PHF21A: variants seen among roughly 807,000 people sequenced by gnomAD.
The protein encoded by PHF21A is BHC80a.
PHF21A carries 11 observed loss-of-function variants against 82.5 expected under a neutral mutation model. That is an observed-to-expected ratio of 0.13 (90% CI 0.08 to 0.22). The LOEUF is 0.22. Among genes scored for constraint, PHF21A ranks in the 10% least tolerant of loss-of-function variants. PHF21A has a pLI of 1.00. For synonymous variants in PHF21A, 297 were observed against 302.8 expected (o/e 0.98, Z 0.20); for missense variants, 579 against 837.8 (o/e 0.69, Z 3.81).
rs1452859819 is a variant in PHF21A at position 45,971,905 on chromosome 11, T to TTTA, written c.361-539_361-538insTAA. Among the ~76,000 whole-genome samples the TTTA allele has an allele frequency of 2.2e-5, 2 of 89,952 alleles. 1 individual carries two copies. Among genetic ancestry groups the TTTA allele is most frequent in the East Asian group, 1.5e-3 (2 of 1,338 alleles). The allele number at this position is 89,952 out of a possible 152,430, so 59.0% of individuals were successfully genotyped here. A position where few individuals can be genotyped will look rare whatever the true frequency, so the allele number is the denominator to read the frequency against. Reference sequence around the variant, plus strand: ...CTTTTTCTTTCTTTTTTTTTTTTTTTATGGTGTCACCCTGGAGAGAAGGAA... The same window carrying TTTA: ...CTTTTTCTTTCTTTTTTTTTTTTTTTTTAATGGTGTCACCCTGGAGAGAAGGAA... On this transcript the variant is annotated intron_variant, in intron 7 of 18. Transcript: ENST00000676320.
At position 46,080,556 on chromosome 11, in the gene PHF21A, C is replaced by G. The variant is rs2096778644; in HGVS notation, c.55-1390G>C. ...TAAACTATAAACAATAGGTTCCTTA[C>G]AAAAAAGGTCCCAAACTACTATGTG... On this transcript the variant is annotated intron_variant, in intron 4 of 18. Coordinates refer to ENST00000676320, the MANE Select transcript of PHF21A (RefSeq NM_001352027.3). Among the ~76,000 whole-genome samples the G allele has an allele frequency of 2.0e-5, 3 of 152,152 alleles. No homozygotes were observed. In the South Asian group the frequency reaches 6.2e-4, roughly 31 times the overall value.
intron 6 of PHF21A, among the ~76,000 whole-genome samples, chr11:46,064,184 A>C (rs1259337206): frequency 6.6e-6 from 1 of 152,196 alleles, no homozygotes; most frequent in Non-Finnish European, 1.5e-5. Context: ...ATGAGTAATA[A>C]TCATTCACTG....
At chr11:46,091,709 T>C (rs921175257) in intron 2 of PHF21A, among the ~76,000 whole-genome samples, 6 of 152,304 alleles carry the variant, frequency 3.9e-5, no homozygotes, top group Non-Finnish European at 7.4e-5. Context: ...CAAAACACTA[T>C]AGGAATCTTA....
At chr11:45,936,594 C>T (rs1199319675) in intron 16 of PHF21A, 25 bp from the exon 17 acceptor site, 1 of 1,530,364 alleles carries the variant, frequency 6.5e-7, no homozygotes, top group East Asian at 2.2e-5. Flanking sequence ...AGAATTTTAC[C>T]TTGAGAAGGA....
At chr11:45,990,893 C>T (rs1345431362) in intron 6 of PHF21A, among the ~76,000 whole-genome samples, 1 of 152,250 alleles carries the variant, frequency 6.6e-6, no homozygotes, top group South Asian at 2.1e-4. Context: ...TCAATACTGT[C>T]GAAGTCCACA....
intron 6 of PHF21A, among the ~76,000 whole-genome samples, chr11:46,004,860 C>A (rs1194399292): frequency 6.6e-6 from 1 of 152,172 alleles, no homozygotes; most frequent in Non-Finnish European, 1.5e-5. Flanking sequence ...CACATACTTA[C>A]ATGTGTTCGA....
At chr11:45,953,103 A>G (rs1011492842) in intron 11 of PHF21A, among the ~76,000 whole-genome samples, 9 of 152,214 alleles carry the variant, frequency 5.9e-5, no homozygotes, top group African/African-American at 2.2e-4. Context: ...AAAAACGCAC[A>G]CTTAACAACT....
At chr11:46,086,320 C>T (rs1349067025) in intron 3 of PHF21A, among the ~76,000 whole-genome samples, 1 of 152,074 alleles carries the variant, frequency 6.6e-6, no homozygotes, top group Non-Finnish European at 1.5e-5. Context: ...GGGGTTTCAC[C>T]GTGTTAGCCA....
Position 46,066,399 on chromosome 11 carries a change from T to C in PHF21A, c.153+10355A>G, listed in dbSNP as rs138320256. Among the ~76,000 whole-genome samples, 578 of 152,284 alleles carry C rather than the reference T, an allele frequency of 3.8e-3. 2 individuals are homozygous for C. Among genetic ancestry groups the C allele is most frequent in the African/African-American group, 0.013 (559 of 41,556 alleles). On this transcript the variant is annotated intron_variant, in intron 6 of 18. Transcript: ENST00000676320. ...ACAGTTTTTAAAAATTAATATGTGT[T>C]CCTTATAAAAAATAAATTCAGCCAG...
intron 3 of PHF21A, among the ~76,000 whole-genome samples, chr11:46,086,209 C>T (rs2096855501): frequency 6.6e-6 from 1 of 151,962 alleles, no homozygotes; most frequent in Admixed American, 6.5e-5. Context: ...AGCTCCGCCT[C>T]CCAGGTTCAT....
At chr11:45,990,793 A>G (rs1357829614) in intron 6 of PHF21A, among the ~76,000 whole-genome samples, 2 of 151,698 alleles carry the variant, frequency 1.3e-5, no homozygotes, top group Non-Finnish European at 2.9e-5. Flanking sequence ...GAGTTCCCAC[A>G]TACTCCTGGC....
At chr11:46,050,130 G>A (rs570964888) in intron 6 of PHF21A, among the ~76,000 whole-genome samples, 1 of 152,356 alleles carries the variant, frequency 6.6e-6, no homozygotes, top group East Asian at 1.9e-4. Context: ...TTCACGCCAA[G>A]TTTTAGAAAG....
At chr11:45,934,543 T>C (rs2088347588) in intron 18 of PHF21A, 1 of 293,492 alleles carries the variant, frequency 3.4e-6, no homozygotes, top group Admixed American at 4.7e-5. Context: ...CAAACAAAGG[T>C]TGTTTAAAAA....
intron 7 of PHF21A, among the ~76,000 whole-genome samples, chr11:45,977,097 G>GAA (rs1290410544): frequency 6.6e-6 from 1 of 151,694 alleles, no homozygotes; most frequent in Non-Finnish European, 1.5e-5. Flanking sequence ...GACTACCAGG[G>GAA]AAAGGAAAAG....
intron 9 of PHF21A, 71 bp downstream of exon 9, chr11:45,969,744 T>C: frequency 9.9e-7 from 1 of 1,008,332 alleles, no homozygotes; most frequent in Non-Finnish European, 1.6e-6. Context: ...CATTACAGGC[T>C]ACTTAGAAAG....
intron 6 of PHF21A, among the ~76,000 whole-genome samples, chr11:46,045,743 T>C (rs963680098): frequency 6.6e-6 from 1 of 152,134 alleles, no homozygotes; most frequent in African/African-American, 2.4e-5. Flanking sequence ...TTACTAGACT[T>C]TTTGGAAGCC....
chr11:45,935,200 G>T, intron 18 of PHF21A: 2 of 1,291,014 alleles, frequency 1.5e-6, no homozygotes, highest in Non-Finnish European at 1.0e-6. Flanking sequence ...TGGTGTGGAA[G>T]AAAGAGCGAG....
At chr11:45,936,383 A>G in intron 17 of PHF21A, 111 bp downstream of exon 17, 1 of 694,050 alleles carries the variant, frequency 1.4e-6, no homozygotes, top group Non-Finnish European at 2.5e-6. Flanking sequence ...TAAGGGCAAA[A>G]GGTTTTCATT....
At chr11:45,979,152 G>T (rs2094174438) in intron 7 of PHF21A, among the ~76,000 whole-genome samples, 1 of 152,012 alleles carries the variant, frequency 6.6e-6, no homozygotes, top group Non-Finnish European at 1.5e-5. Context: ...GAGTAGCTGG[G>T]ATTACAGGCG....
Sources: allele counts gnomAD v4.1 joint callset (sites outside exome capture counted in the v4.1 genomes callset), GRCh38; gene constraint gnomAD v4.1.1; transcripts MANE v1.5; gene names NCBI Gene and HGNC (gene_info 2026-07-23, HGNC 2026-07-21).